Variants in LMBRD1 observed in about 807,000 individuals in gnomAD.
LMBRD1 encodes LMBR1 domain containing 1, also known as lysosomal cobalamin transport escort protein LMBD1.
In LMBRD1, 64 loss-of-function variants were observed where a neutral mutation model predicts 74.8. The ratio of observed to expected loss-of-function variants is 0.86; its 90% CI spans 0.70 to 1.05. LMBRD1 has a LOEUF of 1.05. Ranked by LOEUF, LMBRD1 falls within the 50% of genes least tolerant of loss-of-function variation. LMBRD1 has a pLI of 0.00. For synonymous variants in LMBRD1, 204 were observed against 216.3 expected (o/e 0.94, Z 0.50); for missense variants, 652 against 645.9 (o/e 1.01, Z -0.10).
intron 3 of LMBRD1, among the ~76,000 whole-genome samples, chr6:69,772,890 T>G (rs1765605146): frequency 6.6e-6 from 1 of 152,126 alleles, no homozygotes; most frequent in South Asian, 2.1e-4. Context: ...ACAGAGAAAA[T>G]TTCTCTTGTT....
chr6:69,741,669 A>C, intron 6 of LMBRD1, 120 bp downstream of exon 6: 2 of 617,850 alleles, frequency 3.2e-6, no homozygotes, highest in Non-Finnish European at 2.9e-6. Flanking sequence ...GATTACAGGC[A>C]TGAGCCACCA....
chr6:69,744,592 T>C (rs1382029114), intron 5 of LMBRD1, among the ~76,000 whole-genome samples: 1 of 152,218 alleles, frequency 6.6e-6, no homozygotes, highest in Admixed American at 6.5e-5. Flanking sequence ...AGATATGAAA[T>C]GGAAATGATG....
intron 14 of LMBRD1, among the ~76,000 whole-genome samples, chr6:69,693,519 GAATTTT>G (rs1368740661): frequency 8.6e-5 from 13 of 151,862 alleles, no homozygotes; most frequent in African/African-American, 1.2e-4. Flanking sequence ...TTCTCAGAAA[GAATTTT>G]AATTTTAACA....
chr6:69,685,589 T>TC (rs1209450017), intron 14 of LMBRD1, among the ~76,000 whole-genome samples: 2 of 151,972 alleles, frequency 1.3e-5, no homozygotes, highest in Non-Finnish European at 2.9e-5. Flanking sequence ...TCACCTGAGG[T>TC]CAGGAGTTCA....
intron 9 of LMBRD1, among the ~76,000 whole-genome samples, chr6:69,707,196 T>G (rs942273226): frequency 1.3e-5 from 2 of 152,110 alleles, no homozygotes; most frequent in African/African-American, 4.8e-5. Flanking sequence ...TCATGGCAAG[T>G]CAGGTCATTC....
At chr6:69,747,819 A>G (rs1461611318) in intron 5 of LMBRD1, among the ~76,000 whole-genome samples, 1 of 152,234 alleles carries the variant, frequency 6.6e-6, no homozygotes, top group East Asian at 1.9e-4. Flanking sequence ...GCTTTGCCAT[A>G]AAATTATCTA....
chr6:69,716,842 TA>T (rs1470267328), intron 8 of LMBRD1, among the ~76,000 whole-genome samples: 1 of 150,422 alleles, frequency 6.6e-6, no homozygotes, highest in Admixed American at 6.7e-5. Flanking sequence ...TTCCTAGAGG[TA>T]AACTGTTAGA....
At chr6:69,746,611 T>C (rs1235733695) in intron 5 of LMBRD1, 1 of 152,474 alleles carries the variant, frequency 6.6e-6, no homozygotes, top group Non-Finnish European at 1.5e-5. Context: ...CCAAATATGA[T>C]GACATAAAGA....
intron 3 of LMBRD1, among the ~76,000 whole-genome samples, chr6:69,761,459 T>A (rs868799575): frequency 8.5e-5 from 13 of 152,210 alleles, no homozygotes; most frequent in Admixed American, 2.6e-4. Context: ...CTCATTTTTT[T>A]AATCTATGAA....
intron 14 of LMBRD1, among the ~76,000 whole-genome samples, chr6:69,685,286 A>C (rs1298271320): frequency 6.6e-6 from 1 of 152,232 alleles, no homozygotes; most frequent in African/African-American, 2.4e-5. Context: ...GGTAGATAAG[A>C]ATCTGGCCAT....
chr6:69,779,651 GGT>G (rs1562123931), intron 3 of LMBRD1, among the ~76,000 whole-genome samples: 2 of 151,988 alleles, frequency 1.3e-5, no homozygotes, highest in African/African-American at 4.8e-5. Context: ...TAAAAGGAGA[GGT>G]GAGATTTAAA....
At chr6:69,688,569 C>T (rs1344131701) in intron 14 of LMBRD1, among the ~76,000 whole-genome samples, 1 of 151,784 alleles carries the variant, frequency 6.6e-6, no homozygotes, top group African/African-American at 2.4e-5. Flanking sequence ...CAGTAACTAC[C>T]TTCAGTTACC....
chr6:69,706,283 A>G, intron 9 of LMBRD1: 1 of 215,044 alleles, frequency 4.7e-6, no homozygotes, highest in East Asian at 1.0e-4. Flanking sequence ...AAGGTATCCC[A>G]CAGACTCTAA....
At chr6:69,785,712 A>G (rs558669302) in intron 2 of LMBRD1, among the ~76,000 whole-genome samples, 1 of 152,328 alleles carries the variant, frequency 6.6e-6, no homozygotes, top group South Asian at 2.1e-4. Flanking sequence ...AGTCACCTTT[A>G]TCTTTTACCT....
chr6:69,691,184 CAAT>C (rs1317244946), intron 14 of LMBRD1, among the ~76,000 whole-genome samples: 8 of 140,820 alleles, frequency 5.7e-5, no homozygotes, highest in Non-Finnish European at 1.1e-4. Flanking sequence ...ACAGATGATG[CAAT>C]AATGTTTCAT....
chr6:69,731,240 G>A (rs1215647945), intron 7 of LMBRD1, among the ~76,000 whole-genome samples: 3 of 152,036 alleles, frequency 2.0e-5, no homozygotes, highest in African/African-American at 7.2e-5. Context: ...ACAACCTAGT[G>A]TTCAATAGAT....
chr6:69,726,215 G>A (rs1766732001), intron 7 of LMBRD1, among the ~76,000 whole-genome samples: 1 of 152,170 alleles, frequency 6.6e-6, no homozygotes, highest in Non-Finnish European at 1.5e-5. Context: ...TTATCTAAAA[G>A]TCAGGCAACA....
intron 6 of LMBRD1, 144 bp from the exon 7 acceptor site, chr6:69,738,159 A>C: frequency 1.7e-6 from 1 of 578,714 alleles, no homozygotes; most frequent in South Asian, 2.5e-5. Context: ...TGAAGTGCTA[A>C]CTCCAAGTGG....
intron 1 of LMBRD1, among the ~76,000 whole-genome samples, chr6:69,794,403 C>A (rs1226885844): frequency 6.6e-6 from 1 of 152,160 alleles, no homozygotes; most frequent in Non-Finnish European, 1.5e-5. Context: ...ATGAAGCATG[C>A]GTACATAAAG....
Sources: gnomAD v4.1 joint callset for allele counts (sites outside exome capture counted in the v4.1 genomes callset) on GRCh38, gnomAD v4.1.1 for gene constraint, MANE v1.5 for transcripts, NCBI Gene and HGNC (gene_info 2026-07-23, HGNC 2026-07-21) for gene names.